Variants in COIL observed in about 807,000 individuals in gnomAD.
COIL encodes coilin.
A neutral mutation model predicts 51.6 loss-of-function variants in COIL; 28 were observed. The observed-to-expected ratio is 0.54, with a 90% CI of 0.40 to 0.74. The LOEUF is 0.74. Among genes scored for constraint, COIL ranks in the 30% least tolerant of loss-of-function variants. The pLI, the probability that COIL is intolerant of heterozygous loss-of-function variation, is 0.00. For synonymous variants in COIL, 233 were observed against 255.8 expected (o/e 0.91, Z 0.85); for missense variants, 667 against 685.9 (o/e 0.97, Z 0.31).
At chr17:56,945,082 T>C (rs1466408768) in intron 5 of COIL, among the ~76,000 whole-genome samples, 1 of 152,100 alleles carries the variant, frequency 6.6e-6, no homozygotes, top group African/African-American at 2.4e-5. Context: ...CTCACACCTG[T>C]AGTCTCAGCA....
intron 1 of COIL, among the ~76,000 whole-genome samples, chr17:56,953,289 T>C (rs1194432885): frequency 1.3e-5 from 2 of 151,322 alleles, no homozygotes; most frequent in Admixed American, 6.6e-5. Flanking sequence ...CGGGCGCCTG[T>C]AGTCCCAGCT....
chr17:56,953,410 CAAAAAAAAA>C (rs11382949), intron 1 of COIL, among the ~76,000 whole-genome samples: 1 of 84,492 alleles, frequency 1.2e-5, no homozygotes, highest in Non-Finnish European at 2.2e-5. Context: ...GACTCCGTCT[CAAAAAAAAA>C]AAAAAAAAAA....
intron 5 of COIL, among the ~76,000 whole-genome samples, chr17:56,945,725 A>G (rs980149009): frequency 2.6e-5 from 4 of 152,120 alleles, no homozygotes; most frequent in Non-Finnish European, 4.4e-5. Flanking sequence ...GGTTTTTAAA[A>G]TATTTTTTGA....
Position 56,946,441 on chromosome 17 carries a change from C to T in COIL, c.1558+1G>A, listed in dbSNP as rs1910251096. The T allele has an allele frequency of 6.3e-7, 1 of 1,593,936 alleles. No homozygotes were observed. Among genetic ancestry groups the T allele is most frequent in the Non-Finnish European group, 8.6e-7 (1 of 1,162,812 alleles). ...TTCAAATTATTTTCTAAAAGACTCA[C>T]CAGGTAAGGATGAAAGAATTTCTAT... On this transcript the variant is annotated splice_donor_variant, in intron 5 of 6. Transcript: ENST00000240316. LOFTEE classifies it high-confidence loss of function.
chr17:56,944,513 A>T (rs1275435157), intron 5 of COIL, among the ~76,000 whole-genome samples: 3 of 151,224 alleles, frequency 2.0e-5, no homozygotes, highest in Admixed American at 6.6e-5. Flanking sequence ...AATGGCGTGA[A>T]CCCGGGAGGC....
chr17:56,942,193 G>A, intron 5 of COIL, 70 bp from the exon 6 acceptor site: 1 of 1,204,546 alleles, frequency 8.3e-7, no homozygotes, highest in Non-Finnish European at 1.2e-6. Context: ...CCTCTATGGG[G>A]AATTTATATC....
intron 1 of COIL, among the ~76,000 whole-genome samples, chr17:56,952,718 C>G (rs1318647409): frequency 6.6e-6 from 1 of 152,062 alleles, no homozygotes; most frequent in African/African-American, 2.4e-5. Flanking sequence ...ACTAAGTGAA[C>G]TTAGGACTTC....
At chr17:56,946,140 T>C (rs891952573) in intron 5 of COIL, among the ~76,000 whole-genome samples, 2 of 152,258 alleles carry the variant, frequency 1.3e-5, no homozygotes, top group Admixed American at 6.5e-5. Context: ...CATAATTTCA[T>C]AGCATTTCCT....
chr17:56,949,620 A>G (rs991164330), intron 3 of COIL, 61 bp downstream of exon 3: 9 of 1,497,628 alleles, frequency 6.0e-6, no homozygotes, highest in African/African-American at 1.4e-5. Flanking sequence ...TGATTTTCTA[A>G]GTAAGTTTAT....
At chr17:56,953,954 T>G (rs989374161) in intron 1 of COIL, among the ~76,000 whole-genome samples, 2 of 152,212 alleles carry the variant, frequency 1.3e-5, no homozygotes, top group African/African-American at 4.8e-5. Context: ...AAAAGCCAGT[T>G]TGGCATCCTG....
chr17:56,951,228 C>T (rs1052753406), intron 1 of COIL, among the ~76,000 whole-genome samples: 1 of 152,248 alleles, frequency 6.6e-6, no homozygotes, highest in Non-Finnish European at 1.5e-5. Flanking sequence ...GCATCCTAAA[C>T]ATTTTTAATA....
rs952260010 is a variant in COIL at position 56,939,375 on chromosome 17, C to T, written c.1648-221G>A. ...TTTGGAAGGCCGAGGGGGAGAAATG[C>T]TTGAGCCCAGGAGTTCAAGATCAGC... On this transcript the variant is annotated intron_variant, in intron 6 of 6. Transcript: ENST00000240316. Among the ~76,000 whole-genome samples the T allele has an allele frequency of 3.3e-5, 5 of 152,114 alleles. No individual in the cohort carries two copies. The East Asian group carries it at 9.6e-4, about 29-fold the overall frequency.
chr17:56,945,678 T>C (rs760251418), intron 5 of COIL, among the ~76,000 whole-genome samples: 1 of 152,176 alleles, frequency 6.6e-6, no homozygotes, highest in Non-Finnish European at 1.5e-5. Context: ...AACCATACCA[T>C]TGTATTGTCT....
At chr17:56,958,440 T>C (rs533876809) in intron 1 of COIL, among the ~76,000 whole-genome samples, 8 of 152,370 alleles carry the variant, frequency 5.3e-5, no homozygotes, top group Admixed American at 5.2e-4. Context: ...TCCAGATTCA[T>C]CTTTTTCTAC....
At position 56,960,992 on chromosome 17, in the gene COIL, G is replaced by A. The variant is rs779829791; in HGVS notation, c.28C>T (p.Arg10Trp). MAASETVRL[R>W]LQFDYPPPAT... ...GGCGGCGGGTAATCAAATTGAAGCC[G>A]TAGCCTAACCGTCTCGGAAGCTGCC... The change falls in exon 1 of 7, where the codon CGG (arginine) becomes TGG (tryptophan). Residue 10 changes from arginine (R) to tryptophan (W), a missense_variant. Physicochemically the swap from Arg to Trp is moderately radical, Grantham distance 101. Transcript: ENST00000240316. 3.1e-6 allele frequency: 5 copies of A among 1,613,824 alleles called. No individual in the cohort carries two copies. The highest frequency in any genetic ancestry group is 1.3e-5 in the African/African-American group (1 of 74,924).
At position 56,950,080 on chromosome 17, in the gene COIL, G is replaced by A; in HGVS notation, c.1162C>T (p.Pro388Ser). ...APGASPSVSL[P>S]ASLGRGWGRE... ...CCCCATCCTCTTCCTAAACTAGCAG[G>A]GAGAGACACACTGGGAGAAGCACCA... Residue 388 changes from proline (P) to serine (S), a missense_variant, in exon 2 of 7, where the codon CCT becomes TCT. Transcript: ENST00000240316. 1 of 1,614,038 alleles carries A rather than the reference G, an allele frequency of 6.2e-7. No individual in the cohort carries two copies. Among genetic ancestry groups the A allele is most frequent in the Non-Finnish European group, 8.5e-7 (1 of 1,179,988 alleles).
chr17:56,939,258 G>A (rs544392939), intron 6 of COIL, 104 bp from the exon 7 acceptor site: 9 of 689,292 alleles, frequency 1.3e-5, no homozygotes, highest in African/African-American at 5.4e-5. Flanking sequence ...ATTGAAGAAC[G>A]GGAATAATTT....
chr17:56,955,991 T>G (rs1030403536), intron 1 of COIL, among the ~76,000 whole-genome samples: 1 of 152,134 alleles, frequency 6.6e-6, no homozygotes, highest in Non-Finnish European at 1.5e-5. Context: ...AGATAGCCCA[T>G]GATAGGTAAA....
chr17:56,947,629 C>T (rs1232650598), intron 4 of COIL, among the ~76,000 whole-genome samples: 1 of 152,074 alleles, frequency 6.6e-6, no homozygotes, highest in Non-Finnish European at 1.5e-5. Flanking sequence ...CGCCACCATG[C>T]CAGGCTCATT....
Sources: gnomAD v4.1 joint callset for allele counts (sites outside exome capture counted in the v4.1 genomes callset) on GRCh38, gnomAD v4.1.1 for gene constraint, MANE v1.5 for transcripts, NCBI Gene and HGNC (gene_info 2026-07-23, HGNC 2026-07-21) for gene names.